The following ADARB1 variants were observed in gnomAD, a reference collection of about 807,000 sequenced individuals.
ADARB1 encodes double-stranded RNA-specific editase 1.
A neutral mutation model predicts 52.4 loss-of-function variants in ADARB1; 10 were observed. The ratio of observed to expected loss-of-function variants is 0.19; its 90% CI spans 0.12 to 0.32. ADARB1 has a LOEUF of 0.32. Among genes scored for constraint, ADARB1 ranks in the 10% least tolerant of loss-of-function variants. The pLI is 1.00. For missense variants in ADARB1, 643 were observed against 922.3 expected, an observed-to-expected ratio of 0.70 and a Z score of 3.92; for synonymous variants, 349 against 371.1, an observed-to-expected ratio of 0.94 and a Z score of 0.68.
intron 2 of ADARB1, among the ~76,000 whole-genome samples, chr21:45,132,672 T>C (rs1305516737): frequency 2.6e-5 from 4 of 152,292 alleles, no homozygotes; most frequent in African/African-American, 9.6e-5. Context: ...GTGGGGTTGG[T>C]GGCACATTTT....
At chr21:45,216,051 C>T (rs373544891) in intron 9 of ADARB1, among the ~76,000 whole-genome samples, 2 of 152,204 alleles carry the variant, frequency 1.3e-5, no homozygotes, top group African/African-American at 4.8e-5. Flanking sequence ...GAGTAAGCTT[C>T]AGTAATTTGT....
At chr21:45,179,677 T>C (rs1210502067) in intron 4 of ADARB1, among the ~76,000 whole-genome samples, 1 of 152,154 alleles carries the variant, frequency 6.6e-6, no homozygotes, top group Non-Finnish European at 1.5e-5. Context: ...TGGTACATGA[T>C]TCTATCGTAC....
chr21:45,211,794 T>A (rs1289810092), intron 9 of ADARB1, among the ~76,000 whole-genome samples: 1 of 152,218 alleles, frequency 6.6e-6, no homozygotes, highest in East Asian at 1.9e-4. Flanking sequence ...GGCCTGGGAT[T>A]AACTCATTAC....
chr21:45,195,675 G>T (rs2092409145), intron 8 of ADARB1, among the ~76,000 whole-genome samples: 1 of 147,120 alleles, frequency 6.8e-6, no homozygotes, highest in African/African-American at 2.5e-5. Flanking sequence ...ACTACCTTTT[G>T]TCCATTTCAT....
intron 1 of ADARB1, among the ~76,000 whole-genome samples, chr21:45,090,403 A>G (rs952082755): frequency 2.6e-5 from 4 of 152,088 alleles, no homozygotes; most frequent in East Asian, 3.8e-4. Context: ...ACATAGTGGT[A>G]TAAGTGCTTA....
chr21:45,185,246 G>T (rs777568663), intron 8 of ADARB1, among the ~76,000 whole-genome samples, 155 bp downstream of exon 8: 4 of 152,230 alleles, frequency 2.6e-5, no homozygotes, highest in African/African-American at 4.8e-5. Context: ...TTCTAAACAG[G>T]TGCTGCTGGG....
intron 2 of ADARB1, among the ~76,000 whole-genome samples, chr21:45,164,006 A>T (rs767693453): frequency 2.6e-5 from 4 of 152,170 alleles, no homozygotes; most frequent in Non-Finnish European, 4.4e-5. Context: ...TGTACATTTG[A>T]ACACTTGCCA....
Position 45,222,295 on chromosome 21 carries a change from G to T in ADARB1, c.*98G>T. ...ACTGGGGGCAGGTGCATACCTTGGG[G>T]AGGGAGTAGGGGGACACGGGGGACC... On this transcript the variant is annotated 3_prime_UTR_variant, in exon 11 of 11. Transcript: ENST00000348831. 1.4e-6 allele frequency: 2 copies of T among 1,409,074 alleles called. No homozygotes were observed. The highest frequency in any genetic ancestry group is 1.5e-5 in the African/African-American group (1 of 68,430). The allele number at this position is 1,409,074 out of a possible 1,614,324, so 87.3% of individuals were successfully genotyped here. A position where few individuals can be genotyped will look rare whatever the true frequency, so the allele number is the denominator to read the frequency against.
intron 2 of ADARB1, among the ~76,000 whole-genome samples, chr21:45,139,377 C>T (rs2089581137): frequency 1.3e-5 from 2 of 152,180 alleles, no homozygotes; most frequent in Non-Finnish European, 2.9e-5. Flanking sequence ...ATTTGGTATA[C>T]TTGATTTTTT....
chr21:45,179,516 A>C (rs2146184513), intron 4 of ADARB1, among the ~76,000 whole-genome samples: 1 of 152,338 alleles, frequency 6.6e-6, no homozygotes, highest in South Asian at 2.1e-4. Flanking sequence ...CATTATATCC[A>C]AGATAAATCA....
At chr21:45,170,429 A>G (rs993245018) in intron 2 of ADARB1, among the ~76,000 whole-genome samples, 3 of 152,244 alleles carry the variant, frequency 2.0e-5, no homozygotes. Context: ...GTTAATGACT[A>G]TAAAATAATA....
At chr21:45,149,681 A>G (rs1268577428) in intron 2 of ADARB1, among the ~76,000 whole-genome samples, 1 of 152,232 alleles carries the variant, frequency 6.6e-6, no homozygotes, top group African/African-American at 2.4e-5. Flanking sequence ...GGATCAAGAC[A>G]TGATTTATCA....
intron 2 of ADARB1, among the ~76,000 whole-genome samples, chr21:45,134,021 A>G (rs1387091204): frequency 8.8e-6 from 1 of 114,260 alleles, no homozygotes; most frequent in Non-Finnish European, 1.8e-5. Context: ...TGTGTGCCCG[A>G]CAGTGGTGTG....
At chr21:45,108,153 A>G (rs2087343900) in intron 1 of ADARB1, among the ~76,000 whole-genome samples, 1 of 152,234 alleles carries the variant, frequency 6.6e-6, no homozygotes, top group Non-Finnish European at 1.5e-5. Flanking sequence ...CCTTTGTAGC[A>G]TATCATAAAT....
chr21:45,171,329 T>C (rs1234794254), intron 2 of ADARB1, among the ~76,000 whole-genome samples: 1 of 152,218 alleles, frequency 6.6e-6, no homozygotes, highest in Non-Finnish European at 1.5e-5. Context: ...TGCTGGGACC[T>C]GGTCCCACCC....
At position 45,225,486 on chromosome 21, in the gene ADARB1, C is replaced by T; in HGVS notation, c.*3289C>T. The T allele has an allele frequency of 7.6e-7, 1 of 1,313,836 alleles. No individual in the cohort carries two copies. The highest frequency in any genetic ancestry group is 9.8e-7 in the Non-Finnish European group (1 of 1,022,182). The allele number at this position is 1,313,836 out of a possible 1,614,324, so 81.4% of individuals were successfully genotyped here. A position where few individuals can be genotyped will look rare whatever the true frequency, so the allele number is the denominator to read the frequency against. The stretch of plus-strand genomic sequence containing the variant: ...TTATTCAAATAACCATATTTATCTC[C>T]AGGCTGTGGAATCGCCACTTTCTTT... On this transcript the variant is annotated 3_prime_UTR_variant, in exon 11 of 11. Transcript: ENST00000348831.
In ADARB1 at chr21:45,137,668, G is replaced by T. The variant is rs140542590; in HGVS notation, c.-48+9095G>T. Among the ~76,000 whole-genome samples, 668 of 152,346 alleles carry T rather than the reference G, an allele frequency of 4.4e-3. 7 individuals are homozygous for T. The highest frequency in any genetic ancestry group is 8.1e-3 in the Admixed American group (124 of 15,306). On this transcript the variant is annotated intron_variant, in intron 2 of 10. Transcript: ENST00000348831. ...TTGAGGCTCTGAGGGTTCAGATACA[G>T]TCTCTGCCCACTGCATGTGAACAGC...
chr21:45,105,880 C>T (rs1394041813), intron 1 of ADARB1, among the ~76,000 whole-genome samples: 1 of 152,160 alleles, frequency 6.6e-6, no homozygotes, highest in African/African-American at 2.4e-5. Context: ...TGAGTGAGTT[C>T]TTTTTTTATA....
chr21:45,113,136 T>A (rs895844947), intron 1 of ADARB1, among the ~76,000 whole-genome samples: 3 of 152,140 alleles, frequency 2.0e-5, no homozygotes, highest in African/African-American at 7.2e-5. Flanking sequence ...AAAATATTGG[T>A]TGAAATGGCC....
Sources: allele counts gnomAD v4.1 joint callset (sites outside exome capture counted in the v4.1 genomes callset), GRCh38; gene constraint gnomAD v4.1.1; transcripts MANE v1.5; gene names NCBI Gene and HGNC (gene_info 2026-07-23, HGNC 2026-07-21).